The following ASCC3 variants were observed in gnomAD, a reference collection of about 807,000 sequenced individuals.
The protein encoded by ASCC3 is activating signal cointegrator 1 complex subunit 3.
A neutral mutation model predicts 256.3 loss-of-function variants in ASCC3; 158 were observed. That is an observed-to-expected ratio of 0.62 (90% CI 0.54 to 0.70). ASCC3 has a LOEUF of 0.70. Among genes scored for constraint, ASCC3 ranks in the 30% least tolerant of loss-of-function variants. ASCC3 has a pLI of 0.00. For synonymous variants in ASCC3, 948 were observed against 883.4 expected, an observed-to-expected ratio of 1.07 and a Z score of -1.30; for missense variants, 2,259 against 2,626.0, an observed-to-expected ratio of 0.86 and a Z score of 3.05.
chr6:100,608,127 C>CATATATATGTATATATAGATATATATAT (rs1562161246), intron 30 of ASCC3, among the ~76,000 whole-genome samples: 4 of 113,150 alleles, frequency 3.5e-5, no homozygotes, highest in African/African-American at 1.5e-4. Flanking sequence ...TCTATATATA[C>CATATATATGTATATATAGATATATATAT]ATATATATGT....
Position 100,608,362 on chromosome 6 carries a change from ATG to A in ASCC3, c.4786-1276_4786-1275del, listed in dbSNP as rs1418792028. Among the ~76,000 whole-genome samples the A allele has an allele frequency of 5.5e-5, 5 of 91,360 alleles. 1 individual carries two copies. Among genetic ancestry groups the A allele is most frequent in the African/African-American group, 2.3e-4 (5 of 21,878 alleles). 59.9% of individuals were successfully genotyped at this position (91,360 alleles called of 152,430 possible). ...TATACCTTATATATATACCTTATAT[ATG>A]TATACCTTATATATATACCTTATAT... On this transcript the variant is annotated intron_variant, in intron 30 of 41. Coordinates refer to ENST00000369162, the MANE Select transcript of ASCC3 (RefSeq NM_006828.4).
intron 36 of ASCC3, among the ~76,000 whole-genome samples, chr6:100,558,913 T>C (rs966843006): frequency 2.6e-5 from 4 of 152,150 alleles, no homozygotes; most frequent in African/African-American, 7.2e-5. Context: ...TGTCAATCTT[T>C]GAATTCTACT....
chr6:100,535,454 G>C (rs1013873458), intron 37 of ASCC3, among the ~76,000 whole-genome samples: 4 of 148,280 alleles, frequency 2.7e-5, no homozygotes, highest in African/African-American at 7.4e-5. Context: ...AGAATATGAA[G>C]CTGGTTTTCG....
At chr6:100,808,409 T>C (rs1478657164) in intron 4 of ASCC3, among the ~76,000 whole-genome samples, 2 of 151,946 alleles carry the variant, frequency 1.3e-5, no homozygotes, top group Non-Finnish European at 2.9e-5. Context: ...AGTTTTAATT[T>C]AGTATCAAAA....
At chr6:100,858,750 A>G in intron 3 of ASCC3, 1 of 1,004,594 alleles carries the variant, frequency 1.0e-6, no homozygotes, top group South Asian at 2.4e-5. Flanking sequence ...TTCTCCTGAG[A>G]TTTAGGATAT....
chr6:100,630,194 T>C (rs1482660095), intron 26 of ASCC3, among the ~76,000 whole-genome samples: 2 of 152,156 alleles, frequency 1.3e-5, no homozygotes, highest in African/African-American at 4.8e-5. Flanking sequence ...CAGCCTAATA[T>C]AATTTCTAAT....
chr6:100,541,173 G>A (rs546614768), intron 36 of ASCC3, among the ~76,000 whole-genome samples: 4 of 151,916 alleles, frequency 2.6e-5, no homozygotes, highest in Non-Finnish European at 5.9e-5. Flanking sequence ...AGTTATTTGA[G>A]ATTGTCCATG....
At chr6:100,641,065 T>G (rs1775100225) in intron 24 of ASCC3, among the ~76,000 whole-genome samples, 1 of 152,164 alleles carries the variant, frequency 6.6e-6, no homozygotes, top group African/African-American at 2.4e-5. Flanking sequence ...ATAAACTTAT[T>G]ATACTAGTTA....
intron 10 of ASCC3, among the ~76,000 whole-genome samples, chr6:100,755,366 C>CTTTTTTTTTTT (rs56147910): frequency 6.7e-6 from 1 of 149,064 alleles, no homozygotes. Context: ...TGTGCTTCCT[C>CTTTTTTTTTTT]TTTTTTTTTT....
chr6:100,812,911 G>A (rs1169632299), intron 4 of ASCC3, among the ~76,000 whole-genome samples: 2 of 151,518 alleles, frequency 1.3e-5, no homozygotes, highest in Non-Finnish European at 2.9e-5. Context: ...GCCTGGGCAA[G>A]AGAGCAACAC....
At chr6:100,704,589 AAATT>A (rs1778497138) in intron 13 of ASCC3, among the ~76,000 whole-genome samples, 1 of 152,158 alleles carries the variant, frequency 6.6e-6, no homozygotes, top group East Asian at 1.9e-4. Context: ...AGATAGTAAT[AAATT>A]AATCTATAAT....
chr6:100,634,352 T>C (rs1774717017), intron 25 of ASCC3, among the ~76,000 whole-genome samples: 1 of 152,218 alleles, frequency 6.6e-6, no homozygotes, highest in Non-Finnish European at 1.5e-5. Context: ...TTATTCTTTC[T>C]ATTCGGCTGT....
intron 2 of ASCC3, among the ~76,000 whole-genome samples, chr6:100,865,856 C>T (rs1310703454): frequency 6.6e-6 from 1 of 152,164 alleles, no homozygotes; most frequent in African/African-American, 2.4e-5. Context: ...AACATTATGG[C>T]TAAGCTTCTA....
At position 100,655,774 on chromosome 6, in the gene ASCC3, C is replaced by A. The variant is rs1342716635; in HGVS notation, c.2748G>T (p.Trp916Cys). The change falls in exon 17 of 42, where the codon TGG (tryptophan) becomes TGT (cysteine). Residue 916 changes from tryptophan (W) to cysteine (C), a missense_variant. By Grantham distance (215) the Trp-to-Cys change is radical. Around this residue, in one of 2 missense-constraint regions of ASCC3, gnomAD observed 1,839 missense variants for 2,206.7 expected, o/e 0.83. Coordinates refer to ENST00000369162, the MANE Select transcript of ASCC3 (RefSeq NM_006828.4). ...TVTNVEEAVK[W>C]ISYTYLYVRM... ...GTACATAAAGATAAGTGTAACTTAT[C>A]CACTTCACTGCTTCTTCCACATTAG... The A allele has an allele frequency of 1.2e-6, 2 of 1,611,690 alleles. No homozygotes were observed. The highest frequency in any genetic ancestry group is 1.7e-6 in the Non-Finnish European group (2 of 1,178,836).
rs138376935 is a variant in ASCC3 at position 100,811,084 on chromosome 6, T to C, written c.802-5204A>G. 3.9e-4 allele frequency among the ~76,000 whole-genome samples: 60 copies of C among 152,178 alleles called. 1 individual carries two copies. The highest frequency in any genetic ancestry group is 1.4e-3 in the African/African-American group (59 of 41,530). On this transcript the variant is annotated intron_variant, in intron 4 of 41. Transcript: ENST00000369162. ...ATACTAAAGTCACCTAGAAACAGTG[T>C]CCAACAACGTAAATATTTCTGGAGT...
chr6:100,848,468 C>A lies in ASCC3; in HGVS notation c.481G>T (p.Val161Phe). 6.2e-7 allele frequency: 1 copy of A among 1,612,052 alleles called. No individual in the cohort carries two copies. Among genetic ancestry groups the A allele is most frequent in the Non-Finnish European group, 8.5e-7 (1 of 1,178,952 alleles). Residue 161 changes from valine to phenylalanine, a missense_variant, in exon 4 of 42, where the codon GTT (valine) becomes TTT (phenylalanine). Physicochemically the swap from Val to Phe is conservative, Grantham distance 50. Around this residue, in one of 2 missense-constraint regions of ASCC3, gnomAD observed 420 missense variants for 419.3 expected, o/e 1.00. Transcript: ENST00000369162. ...AATGCTAAATTTTTACCAAAAAAAA[C>A]CCTATCGCCATGTTCTTTTTCTGTC... ...QMTEKEHGDR[V>F]FFGKNLAFSF...
At chr6:100,782,428 T>G (rs1182769932) in intron 8 of ASCC3, among the ~76,000 whole-genome samples, 1 of 152,212 alleles carries the variant, frequency 6.6e-6, no homozygotes, top group African/African-American at 2.4e-5. Context: ...AATAAATACT[T>G]TCTAGTGAAC....
At chr6:100,806,980 T>C (rs1770216329) in intron 4 of ASCC3, among the ~76,000 whole-genome samples, 1 of 151,908 alleles carries the variant, frequency 6.6e-6, no homozygotes, top group African/African-American at 2.4e-5. Flanking sequence ...AAAATAAAGC[T>C]TTAGAAAATT....
intron 36 of ASCC3, among the ~76,000 whole-genome samples, chr6:100,555,363 T>G (rs902039253): frequency 1.3e-5 from 2 of 152,228 alleles, no homozygotes; most frequent in Non-Finnish European, 2.9e-5. Flanking sequence ...CTGACTTGTA[T>G]CATTGTCTTA....
Sources: allele counts gnomAD v4.1 joint callset (sites outside exome capture counted in the v4.1 genomes callset), GRCh38; gene constraint gnomAD v4.1.1; regional missense constraint gnomAD v4.1.1; transcripts MANE v1.5; gene names NCBI Gene and HGNC (gene_info 2026-07-23, HGNC 2026-07-21).